Variants in CILK1 observed in about 807,000 individuals in gnomAD.
CILK1 encodes the protein ciliogenesis associated kinase 1, also known as serine/threonine-protein kinase ICK.
In CILK1, 47 loss-of-function variants were observed where a neutral mutation model predicts 79.2. The ratio of observed to expected loss-of-function variants is 0.59; its 90% CI spans 0.47 to 0.76. The LOEUF is 0.76. CILK1 is among the 30% of genes least tolerant of loss of function. CILK1 has a pLI of 0.00. For missense variants in CILK1, 660 were observed against 769.5 expected (o/e 0.86, Z 1.68); for synonymous variants, 266 against 275.9 (o/e 0.96, Z 0.36).
chr6:53,012,340 A>C, intron 9 of CILK1, 113 bp from the exon 10 acceptor site: 1 of 919,682 alleles, frequency 1.1e-6, no homozygotes, highest in Non-Finnish European at 1.7e-6. Flanking sequence ...CTGGGGCATA[A>C]CATTGCTTAT....
intron 1 of CILK1, among the ~76,000 whole-genome samples, chr6:53,044,215 G>A (rs555924806): frequency 2.6e-5 from 4 of 152,318 alleles, no homozygotes. Context: ...AGCAGTGGGT[G>A]AGTGAGCATT....
rs377472241 is a variant in CILK1, at chr6:53,019,362, A to T, written c.359-3T>A. ...CTTTAAGTCTCGATGAAAGAAGCCT[A>T]TAGAGACAGTAGAGGAGAAGAAATC... On this transcript the variant is annotated splice_region_variant and splice_polypyrimidine_tract_variant and intron_variant, in intron 5 of 13. Coordinates refer to ENST00000676107, the MANE Select transcript of CILK1 (RefSeq NM_014920.5). 1.6e-5 allele frequency: 26 copies of T among 1,613,952 alleles called. No individual in the cohort carries two copies. Among genetic ancestry groups the T allele is most frequent in the Non-Finnish European group, 2.1e-5 (25 of 1,179,962 alleles).
In CILK1 at chr6:53,012,078, G is replaced by T. The variant is rs1764605460; in HGVS notation, c.1302C>A (p.Asp434Glu). 1 of 1,613,996 alleles carries T rather than the reference G, an allele frequency of 6.2e-7. No individual in the cohort carries two copies. The highest frequency in any genetic ancestry group is 1.3e-5 in the African/African-American group (1 of 74,904). Reference sequence around the variant, plus strand: ...CACTCTGTCTTTTCTTGTTTTTCAGGTCAATCCTGCTGAGGGATGGACTGA... The same window carrying T: ...CACTCTGTCTTTTCTTGTTTTTCAGTTCAATCCTGCTGAGGGATGGACTGA... ...LDFSPSLSRI[D>E]LKNKKRQSDD... Residue 434 changes from aspartate (D) to glutamate (E), a missense_variant, in exon 10 of 14, where the codon GAC becomes GAA. Physicochemically the swap from Asp to Glu is conservative, Grantham distance 45. Transcript: ENST00000676107.
rs763491022 is a variant in CILK1, at chr6:53,041,270, G to A, written c.-34C>T. The A allele has an allele frequency of 1.9e-5, 29 of 1,504,760 alleles. No individual in the cohort carries two copies. The highest frequency in any genetic ancestry group is 1.7e-4 in the Middle Eastern group (1 of 5,820). The allele number at this position is 1,504,760 out of a possible 1,614,324, so 93.2% of individuals were successfully genotyped here. On this transcript the variant is annotated 5_prime_UTR_variant, in exon 2 of 14. Transcript: ENST00000676107. ...TGCTCAGGCCGGACACTCATCTCAC[G>A]GCCGAAGTGGTTCAGTTCTGCAGTG...
chr6:53,041,254 C>T lies in CILK1; in HGVS notation c.-18G>A, dbSNP rs201147967. On this transcript the variant is annotated 5_prime_UTR_variant, in exon 2 of 14. Coordinates refer to ENST00000676107, the MANE Select transcript of CILK1 (RefSeq NM_014920.5). ...CTATTCATGGTGTGCCTGCTCAGGC[C>T]GGACACTCATCTCACGGCCGAAGTG... 27 of 1,576,874 alleles carry T rather than the reference C, an allele frequency of 1.7e-5. No individual in the cohort carries two copies. The highest frequency in any genetic ancestry group is 4.0e-5 in the African/African-American group (3 of 74,270).
intron 1 of CILK1, among the ~76,000 whole-genome samples, chr6:53,052,822 G>A (rs889786259): frequency 2.7e-4 from 41 of 152,098 alleles, no homozygotes; most frequent in African/African-American, 9.6e-4. Context: ...CTAACCACCT[G>A]GGGTCCTTAG....
intron 5 of CILK1, among the ~76,000 whole-genome samples, chr6:53,026,943 T>C (rs2127432114): frequency 6.6e-6 from 1 of 152,332 alleles, no homozygotes; most frequent in East Asian, 1.9e-4. Flanking sequence ...TTAATAACCC[T>C]TGGGCAAGGA....
intron 12 of CILK1, among the ~76,000 whole-genome samples, chr6:53,008,760 G>C (rs1764388508): frequency 6.6e-6 from 1 of 152,130 alleles, no homozygotes; most frequent in South Asian, 2.1e-4. Context: ...CTGGGTGATG[G>C]CTACACAGGT....
rs184426343 is a variant in CILK1 at position 53,048,976 on chromosome 6, T to C, written c.-172-7568A>G. 9.1e-4 allele frequency among the ~76,000 whole-genome samples: 138 copies of C among 152,310 alleles called. 1 individual carries two copies. Among genetic ancestry groups the C allele is most frequent in the Non-Finnish European group, 1.4e-3 (96 of 68,016 alleles). On this transcript the variant is annotated intron_variant, in intron 1 of 13. Transcript: ENST00000676107. ...GTTGACAAAGAAGCGGCATTGAACA[T>C]GGCTGTGTAAAGTGTGATATTTAGG...
intron 12 of CILK1, 113 bp downstream of exon 12, chr6:53,009,326 A>T: frequency 9.8e-6 from 10 of 1,018,628 alleles, no homozygotes; most frequent in Non-Finnish European, 1.6e-6. Flanking sequence ...CTGAGCTTTC[A>T]GATGACAAAG....
At chr6:53,037,843 A>G in intron 3 of CILK1, 96 bp downstream of exon 3, 3 of 768,394 alleles carry the variant, frequency 3.9e-6, no homozygotes, top group Non-Finnish European at 6.6e-6. Flanking sequence ...ATTAGTGAAA[A>G]AATTCAAATG....
intron 1 of CILK1, chr6:53,052,049 T>G (rs986351645): frequency 6.6e-6 from 1 of 152,154 alleles, no homozygotes; most frequent in Non-Finnish European, 1.5e-5. Flanking sequence ...TTCCCTCCCC[T>G]CGTCCCACCT....
At chr6:53,051,274 T>A (rs548337708) in intron 1 of CILK1, among the ~76,000 whole-genome samples, 9 of 152,360 alleles carry the variant, frequency 5.9e-5, no homozygotes, top group Admixed American at 4.6e-4. Context: ...AAAAATTTTT[T>A]AAACTATACA....
intron 1 of CILK1, among the ~76,000 whole-genome samples, chr6:53,055,447 A>T (rs564055701): frequency 6.6e-6 from 1 of 152,294 alleles, no homozygotes; most frequent in Non-Finnish European, 1.5e-5. Flanking sequence ...TTTTTTCTGC[A>T]TAAGGAATAG....
intron 1 of CILK1, among the ~76,000 whole-genome samples, chr6:53,054,062 T>C (rs1003346166): frequency 6.6e-6 from 1 of 152,174 alleles, no homozygotes; most frequent in East Asian, 1.9e-4. Flanking sequence ...GAGAAGACAG[T>C]GCCACCGAAG....
At chr6:53,049,047 T>A (rs1450303454) in intron 1 of CILK1, among the ~76,000 whole-genome samples, 2 of 152,192 alleles carry the variant, frequency 1.3e-5, no homozygotes, top group Admixed American at 1.3e-4. Flanking sequence ...AAGATGAGAA[T>A]CCCAGCTGCA....
At chr6:53,058,924 A>T (rs1768177876) in intron 1 of CILK1, among the ~76,000 whole-genome samples, 2 of 149,220 alleles carry the variant, frequency 1.3e-5, no homozygotes, top group South Asian at 4.2e-4. Flanking sequence ...GAGCAGTATA[A>T]AAAAAAAAAA....
At chr6:53,014,889 A>G (rs148252970) in intron 8 of CILK1, among the ~76,000 whole-genome samples, 2 of 152,194 alleles carry the variant, frequency 1.3e-5, no homozygotes, top group Admixed American at 6.5e-5. Flanking sequence ...TTTTCTTTCC[A>G]TTTCTTACAT....
chr6:53,010,381 G>A (rs1764500508), intron 11 of CILK1, among the ~76,000 whole-genome samples: 1 of 152,154 alleles, frequency 6.6e-6, no homozygotes. Flanking sequence ...CTCAGCCTGT[G>A]CCGCCATCTC....
Sources: allele counts gnomAD v4.1 joint callset (sites outside exome capture counted in the v4.1 genomes callset), GRCh38; gene constraint gnomAD v4.1.1; transcripts MANE v1.5; gene names NCBI Gene and HGNC (gene_info 2026-07-23, HGNC 2026-07-21).